SUN1: variants seen among roughly 807,000 people sequenced by gnomAD.
SUN1 encodes the protein SUN domain-containing protein 1.
Under a neutral mutation model 103.2 loss-of-function variants are expected in SUN1, and 61 were observed. That is an observed-to-expected ratio of 0.59 (90% CI 0.48 to 0.73). The LOEUF (loss-of-function observed/expected upper bound fraction) is 0.73. SUN1 is among the 30% of genes least tolerant of loss of function. The pLI, the probability that SUN1 is intolerant of heterozygous loss-of-function variation, is 0.00. For synonymous variants in SUN1, 490 were observed against 425.7 expected, an observed-to-expected ratio of 1.15 and a Z score of -1.86; for missense variants, 1,052 against 1,034.6, an observed-to-expected ratio of 1.02 and a Z score of -0.23.
At chr7:827,153 T>C (rs6963171) in intron 1 of SUN1, among the ~76,000 whole-genome samples, 117,205 of 151,996 alleles carry the variant, frequency 0.77, 45,342 homozygotes, top group Admixed American at 0.83. Context: ...TCCCAAGTAG[T>C]TGGGACTACA....
intron 15 of SUN1, 62 bp downstream of exon 15, chr7:861,526 T>G: frequency 1.3e-6 from 2 of 1,549,496 alleles, no homozygotes; most frequent in Non-Finnish European, 1.8e-6. Flanking sequence ...GGGTGTGCAC[T>G]TGAGAGGCTG....
At chr7:836,902 C>T (rs181980452) in intron 1 of SUN1, among the ~76,000 whole-genome samples, 61 of 152,282 alleles carry the variant, frequency 4.0e-4, no homozygotes, top group African/African-American at 1.4e-3. Context: ...GCATTTCTGA[C>T]AGAGACCGAG....
intron 5 of SUN1, chr7:843,751 C>T (rs1812433468): frequency 7.0e-7 from 1 of 1,429,908 alleles, no homozygotes; most frequent in African/African-American, 1.4e-5. Flanking sequence ...TAAATTTGGA[C>T]TTGACGTGAG....
chr7:861,563 G>A (rs1362515621), intron 15 of SUN1, 99 bp downstream of exon 15: 4 of 1,159,888 alleles, frequency 3.4e-6, no homozygotes, highest in Non-Finnish European at 5.2e-6. Context: ...CAGCAGTAAG[G>A]ACTCCTAACT....
intron 5 of SUN1, chr7:850,145 C>T (rs978145009): frequency 1.0e-5 from 10 of 971,716 alleles, no homozygotes; most frequent in African/African-American, 8.1e-5. Context: ...TAAAAACTGA[C>T]AGGAATAGTA....
At chr7:866,509 GC>G (rs1836723983) in intron 16 of SUN1, among the ~76,000 whole-genome samples, 1 of 70,618 alleles carries the variant, frequency 1.4e-5, no homozygotes, top group Non-Finnish European at 2.8e-5. Context: ...TCCGGCCTTT[GC>G]CCCCCGTCTC....
intron 2 of SUN1, among the ~76,000 whole-genome samples, chr7:840,521 C>T (rs946528938): frequency 6.6e-6 from 1 of 152,214 alleles, no homozygotes; most frequent in African/African-American, 2.4e-5. Context: ...TCTTGTTCAT[C>T]GTCCTGGGTT....
chr7:863,147 C>CA (rs1423664731), intron 15 of SUN1, among the ~76,000 whole-genome samples: 1 of 151,900 alleles, frequency 6.6e-6, no homozygotes, highest in Non-Finnish European at 1.5e-5. Flanking sequence ...ATCTCAAAAA[C>CA]AAAAAACAAA....
At position 866,107 on chromosome 7, in the gene SUN1, A is replaced by G. The variant is rs200467708; in HGVS notation, c.1980+40A>G. On this transcript the variant is annotated intron_variant, in intron 16 of 18. Transcript: ENST00000401592. ...GTGGCCGGAGCTGCTCCTCTTCAGC[A>G]TGGACTCGGTTAGTGTTCACGGGTC... The G allele has an allele frequency of 6.2e-4, 970 of 1,568,016 alleles. 7 individuals are homozygous for G. In the African/African-American group the frequency reaches 0.011, roughly 19 times the overall value.
In SUN1 at chr7:856,387, G is replaced by A. The variant is rs1199091032; in HGVS notation, c.1380G>A (p.Lys460=). 4 of 1,613,860 alleles carry A rather than the reference G, an allele frequency of 2.5e-6. No homozygotes were observed. The change falls in exon 12 of 19, where the codon AAG becomes AAA. Residue 460 remains lysine (K), a synonymous_variant. Coordinates refer to ENST00000401592, the MANE Select transcript of SUN1 (RefSeq NM_001130965.3). ...TCCAGAAGGAACTAGAACAGACCAA[G>A]CAAAAAACAATCAGGTAGGAGGATT... ...EAIQKELEQT[K]QKTISAVGEQ... is the part of the protein sequence containing the mutation.
intron 18 of SUN1, among the ~76,000 whole-genome samples, chr7:872,841 C>T (rs1201772588): frequency 1.3e-5 from 2 of 152,218 alleles, no homozygotes; most frequent in Admixed American, 6.5e-5. Context: ...GTAATCCCAG[C>T]ACTTTGCGGG....
At chr7:861,951 A>G (rs1374696726) in intron 15 of SUN1, among the ~76,000 whole-genome samples, 1 of 152,230 alleles carries the variant, frequency 6.6e-6, no homozygotes, top group African/African-American at 2.4e-5. Context: ...GCAGGGGCAC[A>G]AGCCTAGGCC....
intron 5 of SUN1, 190 bp from the exon 6 acceptor site, chr7:851,194 A>C: frequency 2.3e-6 from 1 of 439,188 alleles, no homozygotes. Flanking sequence ...GAGCTTTTCA[A>C]ATGGTCATGT....
chr7:855,035 A>T (rs562412967), intron 11 of SUN1, 29 bp downstream of exon 11: 244 of 1,547,792 alleles, frequency 1.6e-4, no homozygotes, highest in East Asian at 1.6e-3. Context: ...ACGCTTTTTT[A>T]AAATAAAAAG....
intron 1 of SUN1, among the ~76,000 whole-genome samples, chr7:836,873 C>A (rs1803773250): frequency 6.6e-6 from 1 of 152,158 alleles, no homozygotes; most frequent in African/African-American, 2.4e-5. Flanking sequence ...TCTGGCTTTT[C>A]TGGGAAGAAA....
At chr7:854,314 C>T (rs963288873) in intron 10 of SUN1, among the ~76,000 whole-genome samples, 2 of 152,248 alleles carry the variant, frequency 1.3e-5, no homozygotes, top group Non-Finnish European at 2.9e-5. Context: ...CAGCGTCAAA[C>T]GCTCAGCCCC....
chr7:817,586 A>G, intron 1 of SUN1: 3 of 1,470,182 alleles, frequency 2.0e-6, no homozygotes, highest in Non-Finnish European at 2.7e-6. Context: ...GAAGCTGCCC[A>G]TAATTGTGTC....
rs779679037 is a variant in SUN1, at chr7:839,020, T to G, written c.266+34T>G. ...CGCTGCACTTCCTCTCCATCTGATC[T>G]CTAACACCAGTTAAAACCAAGCTTC... is the stretch of plus-strand genomic sequence containing the variant. On this transcript the variant is annotated intron_variant, in intron 2 of 18. Transcript: ENST00000401592. 3.4e-6 allele frequency: 5 copies of G among 1,491,796 alleles called. No homozygotes were observed. In the East Asian group the frequency reaches 1.2e-4, roughly 36 times the overall value. The allele number at this position is 1,491,796 out of a possible 1,614,324, so 92.4% of individuals were successfully genotyped here.
intron 1 of SUN1, among the ~76,000 whole-genome samples, chr7:824,703 T>G (rs1023863796): frequency 6.6e-6 from 1 of 152,230 alleles, no homozygotes; most frequent in Non-Finnish European, 1.5e-5. Flanking sequence ...AGCTGTTTTC[T>G]TGATGTTCAG....
Sources: gnomAD v4.1 joint callset for allele counts (sites outside exome capture counted in the v4.1 genomes callset) on GRCh38, gnomAD v4.1.1 for gene constraint, MANE v1.5 for transcripts, NCBI Gene and HGNC (gene_info 2026-07-23, HGNC 2026-07-21) for gene names.